SMCO2: variants seen among roughly 807,000 people sequenced by gnomAD.
The protein encoded by SMCO2 is single-pass membrane and coiled-coil domain-containing protein 2.
In SMCO2, 25 loss-of-function variants were observed where a neutral mutation model predicts 29.5. The observed-to-expected ratio is 0.85, with a 90% CI of 0.62 to 1.18. SMCO2 has a LOEUF of 1.18. Ranked by LOEUF, SMCO2 falls within the 50% of genes most tolerant of loss-of-function variation. The pLI, the probability that SMCO2 is intolerant of heterozygous loss-of-function variation, is 0.00. For missense variants in SMCO2, 348 were observed against 344.5 expected (o/e 1.01, Z -0.08); for synonymous variants, 117 against 123.3 (o/e 0.95, Z 0.34).
chr12:27,451,274 AT>A, the SMCO2 span, among the ~76,000 whole-genome samples: 3 of 151,058 alleles, frequency 2.0e-5, no homozygotes, highest in Admixed American at 6.6e-5. Flanking sequence ...CTCTAGTCAC[AT>A]TTTTTTTTCT....
intron 4 of SMCO2, among the ~76,000 whole-genome samples, chr12:27,475,163 T>C (rs1021780698): frequency 6.6e-6 from 1 of 152,150 alleles, no homozygotes; most frequent in Non-Finnish European, 1.5e-5. Context: ...GAAATTAATA[T>C]ATATTTAAGC....
intron 4 of SMCO2, among the ~76,000 whole-genome samples, chr12:27,485,471 A>G (rs1949681563): frequency 1.5e-5 from 2 of 132,192 alleles, no homozygotes; most frequent in South Asian, 2.3e-4. Flanking sequence ...TTTTTTTGAG[A>G]TAGAGTCTCA....
chr12:27,449,999 T>G, the SMCO2 span, among the ~76,000 whole-genome samples: 1 of 152,308 alleles, frequency 6.6e-6, no homozygotes, highest in East Asian at 1.9e-4. Flanking sequence ...TCGGCCAGTT[T>G]TAGCTCATGA....
exon 3 of SMCO2, chr12:27,472,838 T>G: frequency 6.4e-7 from 1 of 1,550,730 alleles, no homozygotes; most frequent in Non-Finnish European, 8.7e-7. Context: ...GAGGATGACA[T>G]TTCCTCCGAA....
Position 27,472,887 on chromosome 12 carries a change from A to C in SMCO2, c.234+12A>C, listed in dbSNP as rs1294328778. ...ACTTCCTTCACAAGGTAGACACTGA[A>C]AAATGGGTAAGAGAGACACTTAAAT... is the stretch of plus-strand genomic sequence containing the variant. On this transcript the variant is annotated intron_variant, in intron 3 of 7. Transcript: ENST00000298876. The C allele has an allele frequency of 6.5e-7, 1 of 1,541,682 alleles. No individual in the cohort carries two copies. The highest frequency in any genetic ancestry group is 2.0e-5 in the Admixed American group (1 of 50,970).
At chr12:27,465,028 C>CAAAAAAAAAAAAA (rs35630976), upstream of SMCO2, among the ~76,000 whole-genome samples, 13 of 60,546 alleles carry the variant, frequency 2.1e-4, no homozygotes, top group African/African-American at 3.6e-4. Flanking sequence ...GACCCTGTCT[C>CAAAAAAAAAAAAA]AAAAAAAAAA....
At chr12:27,477,741 TATTTTTATTTCATTCATTGA>T (rs1949602740) in intron 4 of SMCO2, among the ~76,000 whole-genome samples, 1 of 151,748 alleles carries the variant, frequency 6.6e-6, no homozygotes, top group Admixed American at 6.6e-5. Context: ...CTCTTTATTA[TATTTTTATTTCATTCATTGA>T]ATTCTTCAGT....
the SMCO2 span, among the ~76,000 whole-genome samples, chr12:27,435,396 C>G: frequency 6.7e-6 from 1 of 149,050 alleles, no homozygotes; most frequent in African/African-American, 2.5e-5. Flanking sequence ...TGAAGAACCC[C>G]TACTCTAAAC....
At chr12:27,463,658 G>A (rs964736747), upstream of SMCO2, among the ~76,000 whole-genome samples, 1 of 152,116 alleles carries the variant, frequency 6.6e-6, no homozygotes, top group Non-Finnish European at 1.5e-5. Flanking sequence ...AAATAAGTGC[G>A]AGAAACAAAT....
At chr12:27,467,202 C>T (rs952198507) in intron 1 of SMCO2, among the ~76,000 whole-genome samples, 2 of 152,002 alleles carry the variant, frequency 1.3e-5, no homozygotes, top group African/African-American at 4.8e-5. Context: ...TTGATTGTTC[C>T]TTGTAACTGA....
chr12:27,433,078 A>G, the SMCO2 span, among the ~76,000 whole-genome samples: 2 of 152,214 alleles, frequency 1.3e-5, no homozygotes, highest in African/African-American at 4.8e-5. Flanking sequence ...TTTATTCTAC[A>G]TCGTAACTAT....
At chr12:27,496,363 G>T (rs1244971581) in intron 7 of SMCO2, among the ~76,000 whole-genome samples, 4 of 150,384 alleles carry the variant, frequency 2.7e-5, no homozygotes, top group Non-Finnish European at 5.9e-5. Flanking sequence ...GAGAGATATA[G>T]ATTTATTTCT....
At chr12:27,424,976 A>G in the SMCO2 span, 1 of 152,212 alleles carries the variant, frequency 6.6e-6, no homozygotes, top group South Asian at 2.1e-4. Context: ...AGATCCTGAC[A>G]CATAAGAACT....
the SMCO2 span, among the ~76,000 whole-genome samples, chr12:27,453,252 T>C: frequency 2.0e-5 from 3 of 152,144 alleles, no homozygotes; most frequent in African/African-American, 7.2e-5. Context: ...GAGTCTTCCT[T>C]GTGGCTTGGG....
At chr12:27,481,546 T>A (rs1368439522) in intron 4 of SMCO2, among the ~76,000 whole-genome samples, 1 of 152,218 alleles carries the variant, frequency 6.6e-6, no homozygotes, top group Non-Finnish European at 1.5e-5. Context: ...TGTGTAGAAG[T>A]GGTATAATTT....
chr12:27,438,807 T>C, the SMCO2 span, among the ~76,000 whole-genome samples: 1 of 48,622 alleles, frequency 2.1e-5, no homozygotes, highest in Non-Finnish European at 3.7e-5. Flanking sequence ...CAAACAAATA[T>C]ATAGGACTGA....
chr12:27,500,991 G>A (rs1424088922), intron 7 of SMCO2, among the ~76,000 whole-genome samples: 1 of 150,560 alleles, frequency 6.6e-6, no homozygotes, highest in Non-Finnish European at 1.5e-5. Flanking sequence ...TCTTCTTTGT[G>A]TTCTTCTGGA....
At chr12:27,425,072 C>T in the SMCO2 span, 1 of 152,182 alleles carries the variant, frequency 6.6e-6, no homozygotes, top group Non-Finnish European at 1.5e-5. Context: ...GCTTTCTGAA[C>T]TCACTTGAGA....
rs1447891094 is a variant in SMCO2, at chr12:27,501,450, AC to A, written c.684-472del. On this transcript the variant is annotated intron_variant, in intron 7 of 7. Coordinates refer to ENST00000298876, the Ensembl canonical transcript of SMCO2. ...AAAAAAAAAAAAACAAACAAACAAA[AC>A]AAAACAAAAAAAGCTTCTATTATTT... is the stretch of plus-strand genomic sequence containing the variant. Among the ~76,000 whole-genome samples, 16 of 149,392 alleles carry A rather than the reference AC, an allele frequency of 1.1e-4. 1 individual carries two copies. Among genetic ancestry groups the A allele is most frequent in the African/African-American group, 4.0e-4 (16 of 39,718 alleles).
Sources: gnomAD v4.1 joint callset for allele counts (sites outside exome capture counted in the v4.1 genomes callset) on GRCh38, gnomAD v4.1.1 for gene constraint, MANE v1.5 for transcripts, NCBI Gene and HGNC (gene_info 2026-07-23, HGNC 2026-07-21) for gene names.